Variants in PLPPR2 observed in about 807,000 individuals in gnomAD.
The protein encoded by PLPPR2 is phospholipid phosphatase related 2.
PLPPR2 carries 11 observed loss-of-function variants against 40.3 expected under a neutral mutation model. The observed-to-expected ratio is 0.27, with a 90% CI of 0.17 to 0.45. The LOEUF is 0.45. Among genes scored for constraint, PLPPR2 ranks in the 20% least tolerant of loss-of-function variants. The pLI, the probability that PLPPR2 is intolerant of heterozygous loss-of-function variation, is 1.00. For synonymous variants in PLPPR2, 260 were observed against 290.8 expected, an observed-to-expected ratio of 0.89 and a Z score of 1.08; for missense variants, 497 against 640.7, an observed-to-expected ratio of 0.78 and a Z score of 2.42.
intron 3 of PLPPR2, among the ~76,000 whole-genome samples, chr19:11,358,505 C>A (rs536320306): frequency 1.6e-4 from 25 of 152,222 alleles, no homozygotes; most frequent in Admixed American, 4.6e-4. Context: ...TCCACCTCCC[C>A]CTGTCTGTCT....
chr19:11,361,165 G>C lies in PLPPR2; in HGVS notation c.392-52G>C, dbSNP rs540988172. 640 of 1,545,854 alleles carry C rather than the reference G, an allele frequency of 4.1e-4. 8 individuals are homozygous for C. The South Asian group carries it at 7.3e-3, about 18-fold the overall frequency. ...GGAGCTAAGAGGCCCAATGGAATCA[G>C]TGGGAGCATCAGGGCCTGGCGCATG... On this transcript the variant is annotated intron_variant, in intron 5 of 9. Coordinates refer to ENST00000688289, the MANE Select transcript of PLPPR2 (RefSeq NM_001393892.1). The surrounding 1 kb of genome is among the most constrained non-coding windows in gnomAD (Gnocchi z 6.3).
chr19:11,361,617 C>G lies in PLPPR2; in HGVS notation c.663+129C>G. ...GGTGCTGTTGGAAGCTCTCGCTCCA[C>G]GCCCCGACCTGTTGGAAGCTCTCCC... On this transcript the variant is annotated intron_variant, in intron 6 of 9. Coordinates refer to ENST00000688289, the MANE Select transcript of PLPPR2 (RefSeq NM_001393892.1). The surrounding 1 kb of genome is among the most constrained non-coding windows in gnomAD (Gnocchi z 6.3). The G allele has an allele frequency of 7.8e-7, 1 of 1,283,256 alleles. No individual in the cohort carries two copies. The highest frequency in any genetic ancestry group is 1.0e-6 in the Non-Finnish European group (1 of 954,528). 79.5% of individuals were successfully genotyped at this position (1,283,256 alleles called of 1,614,324 possible). A position where few individuals can be genotyped will look rare whatever the true frequency, so the allele number is the denominator to read the frequency against.
rs1414297720 is a variant in PLPPR2 at position 11,362,323 on chromosome 19, C to G, written c.664-190C>G. On this transcript the variant is annotated intron_variant, in intron 6 of 9. Coordinates refer to ENST00000688289, the MANE Select transcript of PLPPR2 (RefSeq NM_001393892.1). The surrounding 1 kb of genome is among the most constrained non-coding windows in gnomAD (Gnocchi z 5.3). ...ACTCCAAGACCTCAATCCCTGACCCCCCCCCCTTTGCCTTTTTGGTCACGC... is the reference window on the plus strand; with the variant it reads ...ACTCCAAGACCTCAATCCCTGACCCGCCCCCCTTTGCCTTTTTGGTCACGC... 6 of 570,762 alleles carry G rather than the reference C, an allele frequency of 1.1e-5. No individual in the cohort carries two copies. The highest frequency in any genetic ancestry group is 3.0e-5 in the East Asian group (1 of 33,578). 35.4% of individuals were successfully genotyped at this position (570,762 alleles called of 1,614,324 possible). A position where few individuals can be genotyped will look rare whatever the true frequency, so the allele number is the denominator to read the frequency against.
In PLPPR2 at chr19:11,361,801, G is replaced by A. The variant is rs1968054278; in HGVS notation, c.663+313G>A. Among the ~76,000 whole-genome samples, 1 of 152,024 alleles carries A rather than the reference G, an allele frequency of 6.6e-6. No individual in the cohort carries two copies. Among genetic ancestry groups the A allele is most frequent in the South Asian group, 2.1e-4 (1 of 4,826 alleles). On this transcript the variant is annotated intron_variant, in intron 6 of 9. Transcript: ENST00000688289. The surrounding 1 kb of genome is among the most constrained non-coding windows in gnomAD (Gnocchi z 6.3). Reference sequence around the variant, plus strand: ...GACAGTCCCTGATGTGCAAGACTCGGAACCCCTATAGCCTAGCCAGGCCCC... The same window carrying A: ...GACAGTCCCTGATGTGCAAGACTCGAAACCCCTATAGCCTAGCCAGGCCCC...
rs990918432 is a variant in PLPPR2, at chr19:11,359,635, C to T, written c.170C>T (p.Ala57Val). ...QGFFCYDSTY[A>V]KPYPGPEAAS... Reference sequence around the variant, plus strand: ...TTCTTCTGCTATGACAGTACCTACGCCAAGCCCTACCCAGGGCCTGAGGCT... The same window carrying T: ...TTCTTCTGCTATGACAGTACCTACGTCAAGCCCTACCCAGGGCCTGAGGCT... Residue 57 changes from alanine (A) to valine (V), a missense_variant, in exon 4 of 10, where the codon GCC (alanine) becomes GTC (valine). Ala to Val is a moderately conservative substitution (Grantham distance 64). Coordinates refer to ENST00000688289, the MANE Select transcript of PLPPR2 (RefSeq NM_001393892.1). This position sits in a 1 kb window ranked among gnomAD's most constrained non-coding sequence, Gnocchi z 5.6. 1 of 1,613,202 alleles carries T rather than the reference C, an allele frequency of 6.2e-7. No individual in the cohort carries two copies. Among genetic ancestry groups the T allele is most frequent in the Non-Finnish European group, 8.5e-7 (1 of 1,179,550 alleles).
Position 11,363,280 on chromosome 19 carries a change from CAAAAAAAA to C in PLPPR2, c.841-420_841-413del, listed in dbSNP as rs571914211. On this transcript the variant is annotated intron_variant, in intron 7 of 9. Coordinates refer to ENST00000688289, the MANE Select transcript of PLPPR2 (RefSeq NM_001393892.1). The surrounding 1 kb of genome is among the most constrained non-coding windows in gnomAD (Gnocchi z 4.8). ...TGGGTGAAAGAGCGAAAGTCTGTCT[CAAAAAAAA>C]AAAAAAAAAAAATTAGCTGGGAATG... 5.4e-5 allele frequency among the ~76,000 whole-genome samples: 4 copies of C among 74,090 alleles called. No individual in the cohort carries two copies. In the Admixed American group the frequency reaches 6.4e-4, roughly 12 times the overall value. 48.6% of individuals were successfully genotyped at this position (74,090 alleles called of 152,430 possible). A position where few individuals can be genotyped will look rare whatever the true frequency, so the allele number is the denominator to read the frequency against.
Position 11,365,572 on chromosome 19 carries a change from G to A in PLPPR2, c.*882G>A, listed in dbSNP as rs1317535549. On this transcript the variant is annotated 3_prime_UTR_variant, in exon 10 of 10. Transcript: ENST00000688289. ...CATGGGGGGCATGGGTGGAGCAGAG[G>A]GGCTCCCTCACCCCGGGCAGGCAAA... The A allele has an allele frequency of 6.5e-6, 1 of 152,676 alleles. No individual in the cohort carries two copies. Among genetic ancestry groups the A allele is most frequent in the African/African-American group, 2.4e-5 (1 of 41,448 alleles). The allele number at this position is 152,676 out of a possible 1,614,324, so 9.5% of individuals were successfully genotyped here.
chr19:11,356,603 G>A (rs927458716), intron 1 of PLPPR2, among the ~76,000 whole-genome samples, 199 bp from the exon 2 acceptor site: 8 of 152,060 alleles, frequency 5.3e-5, no homozygotes, highest in African/African-American at 1.9e-4. Context: ...GCCCAGCACA[G>A]CGCCTGGAAG....
rs997252436 is a variant in PLPPR2, at chr19:11,362,776, G to A, written c.840+87G>A. ...GCAGGACCACATGATGGAGAAGGGT[G>A]TGGACTCTGTGTGACCTTGGGCCAA... On this transcript the variant is annotated intron_variant, in intron 7 of 9. Coordinates refer to ENST00000688289, the MANE Select transcript of PLPPR2 (RefSeq NM_001393892.1). The surrounding 1 kb of genome is among the most constrained non-coding windows in gnomAD (Gnocchi z 5.3). The A allele has an allele frequency of 9.8e-6, 14 of 1,431,832 alleles. No individual in the cohort carries two copies. The highest frequency in any genetic ancestry group is 1.3e-5 in the Non-Finnish European group (14 of 1,056,420). The allele number at this position is 1,431,832 out of a possible 1,614,324, so 88.7% of individuals were successfully genotyped here. A position where few individuals can be genotyped will look rare whatever the true frequency, so the allele number is the denominator to read the frequency against.
In PLPPR2 at chr19:11,362,796, G is replaced by A. The variant is rs372708219; in HGVS notation, c.840+107G>A. 3.2e-6 allele frequency: 4 copies of A among 1,250,932 alleles called. No individual in the cohort carries two copies. The highest frequency in any genetic ancestry group is 2.2e-4 in the Middle Eastern group (1 of 4,628). 77.5% of individuals were successfully genotyped at this position (1,250,932 alleles called of 1,614,324 possible). A position where few individuals can be genotyped will look rare whatever the true frequency, so the allele number is the denominator to read the frequency against. On this transcript the variant is annotated intron_variant, in intron 7 of 9. Transcript: ENST00000688289. This position sits in a 1 kb window ranked among gnomAD's most constrained non-coding sequence, Gnocchi z 5.3. ...AGGGTGTGGACTCTGTGTGACCTTGGGCCAATCCCTTAACATTACCCTTCC... is the reference window on the plus strand; with the variant it reads ...AGGGTGTGGACTCTGTGTGACCTTGAGCCAATCCCTTAACATTACCCTTCC...
chr19:11,359,691 G>C lies in PLPPR2; in HGVS notation c.226G>C (p.Ala76Pro), dbSNP rs142818555. The stretch of plus-strand genomic sequence containing the variant: ...CCGAGTGCCTCCTGCTCTTGTCTAC[G>C]CACTGGTCACTGCCGGGCCCACCCT... ...ASRVPPALVY[A>P]LVTAGPTLTI... Residue 76 changes from alanine (A) to proline (P), a missense_variant, in exon 4 of 10, where the codon GCA becomes CCA. Coordinates refer to ENST00000688289, the MANE Select transcript of PLPPR2 (RefSeq NM_001393892.1). The surrounding 1 kb of genome is among the most constrained non-coding windows in gnomAD (Gnocchi z 5.6). 1,582 of 1,605,438 alleles carry C rather than the reference G, an allele frequency of 9.9e-4. 4 individuals carry two copies. Among genetic ancestry groups the C allele is most frequent in the Non-Finnish European group, 1.1e-3 (1,246 of 1,174,922 alleles).
Position 11,361,563 on chromosome 19 carries a change from G to C in PLPPR2, c.663+75G>C, listed in dbSNP as rs550252189. 146 of 1,525,916 alleles carry C rather than the reference G, an allele frequency of 9.6e-5. 1 individual carries two copies. The East Asian group carries it at 3.1e-3, about 32-fold the overall frequency. The allele number at this position is 1,525,916 out of a possible 1,614,324, so 94.5% of individuals were successfully genotyped here. A position where few individuals can be genotyped will look rare whatever the true frequency, so the allele number is the denominator to read the frequency against. ...CGACCAGCAGCTAGGAAGCCGCCAG[G>C]GTTGGAGCCTCTGCTCTTCCACGCC... On this transcript the variant is annotated intron_variant, in intron 6 of 9. Transcript: ENST00000688289. The surrounding 1 kb of genome is among the most constrained non-coding windows in gnomAD (Gnocchi z 6.3).
At position 11,364,801 on chromosome 19, in the gene PLPPR2, C is replaced by G; in HGVS notation, c.*111C>G. ...TCCCCTGCCCCCCAAGCCAGCCAGA[C>G]CCAGACATTAGAAGATGGCTAGAAG... On this transcript the variant is annotated 3_prime_UTR_variant, in exon 10 of 10. Coordinates refer to ENST00000688289, the MANE Select transcript of PLPPR2 (RefSeq NM_001393892.1). The surrounding 1 kb of genome is among the most constrained non-coding windows in gnomAD (Gnocchi z 5.8). 8.1e-7 allele frequency: 1 copy of G among 1,240,250 alleles called. No homozygotes were observed. Among genetic ancestry groups the G allele is most frequent in the South Asian group, 1.4e-5 (1 of 71,470 alleles). 76.8% of individuals were successfully genotyped at this position (1,240,250 alleles called of 1,614,324 possible).
chr19:11,362,632 C>T lies in PLPPR2; in HGVS notation c.783C>T (p.Asn261=). 1 of 1,613,972 alleles carries T rather than the reference C, an allele frequency of 6.2e-7. No individual in the cohort carries two copies. Among genetic ancestry groups the T allele is most frequent in the Non-Finnish European group, 8.5e-7 (1 of 1,180,026 alleles). Residue 261 remains asparagine, a synonymous_variant, in exon 7 of 10, where the codon AAC becomes AAT. Transcript: ENST00000688289. This position sits in a 1 kb window ranked among gnomAD's most constrained non-coding sequence, Gnocchi z 5.3. Reference sequence around the variant, plus strand: ...TGGTCCGCGTGGCCGAGTACCGAAACCACTGGTCGGACGTGCTGGCTGGCT... The same window carrying T: ...TGGTCCGCGTGGCCGAGTACCGAAATCACTGGTCGGACGTGCTGGCTGGCT... The part of the protein sequence containing the change: ...VGVVRVAEYR[N]HWSDVLAGFL...
In PLPPR2 at chr19:11,364,285, C is replaced by T. The variant is rs1968132302; in HGVS notation, c.1016-62C>T. ...GCAGCCACTGCCCCAGAGGTCTCACCTAGGCCTTTATGCTGCCTCCCGAGT... is the reference window on the plus strand; with the variant it reads ...GCAGCCACTGCCCCAGAGGTCTCACTTAGGCCTTTATGCTGCCTCCCGAGT... On this transcript the variant is annotated intron_variant, in intron 9 of 9. Transcript: ENST00000688289. The surrounding 1 kb of genome is among the most constrained non-coding windows in gnomAD (Gnocchi z 5.8). 1.9e-6 allele frequency: 3 copies of T among 1,548,054 alleles called. No individual in the cohort carries two copies. Among genetic ancestry groups the T allele is most frequent in the Non-Finnish European group, 2.6e-6 (3 of 1,147,120 alleles).
chr19:11,364,270 C>T lies in PLPPR2; in HGVS notation c.1015+58C>T. 1.9e-6 allele frequency: 3 copies of T among 1,576,188 alleles called. No homozygotes were observed. Among genetic ancestry groups the T allele is most frequent in the Non-Finnish European group, 1.7e-6 (2 of 1,159,496 alleles). On this transcript the variant is annotated intron_variant, in intron 9 of 9. Coordinates refer to ENST00000688289, the MANE Select transcript of PLPPR2 (RefSeq NM_001393892.1). The surrounding 1 kb of genome is among the most constrained non-coding windows in gnomAD (Gnocchi z 5.8). ...GGGACTTCCAGGTGGGCAGCCACTG[C>T]CCCAGAGGTCTCACCTAGGCCTTTA...
rs1968072967 is a variant in PLPPR2 at position 11,362,397 on chromosome 19, TG to T, written c.664-114del. 3 of 1,221,192 alleles carry T rather than the reference TG, an allele frequency of 2.5e-6. No individual in the cohort carries two copies. Among genetic ancestry groups the T allele is most frequent in the Non-Finnish European group, 3.4e-6 (3 of 881,102 alleles). 75.6% of individuals were successfully genotyped at this position (1,221,192 alleles called of 1,614,324 possible). The stretch of plus-strand genomic sequence containing the variant: ...CCCATGACTCCAACCCTGGAGCCCC[TG>T]GCCACTCCCTCCAGCCCCAACGCTC... On this transcript the variant is annotated intron_variant, in intron 6 of 9. Coordinates refer to ENST00000688289, the MANE Select transcript of PLPPR2 (RefSeq NM_001393892.1). The surrounding 1 kb of genome is among the most constrained non-coding windows in gnomAD (Gnocchi z 5.3).
In PLPPR2 at chr19:11,362,595, T is replaced by C. The variant is rs143646928; in HGVS notation, c.746T>C (p.Phe249Ser). 3.7e-6 allele frequency: 6 copies of C among 1,613,456 alleles called. No homozygotes were observed. The African/African-American group carries it at 8.0e-5, about 22-fold the overall frequency. The change falls in exon 7 of 10, where the codon TTC becomes TCC. Residue 249 changes from phenylalanine to serine, a missense_variant. Coordinates refer to ENST00000688289, the MANE Select transcript of PLPPR2 (RefSeq NM_001393892.1). The surrounding 1 kb of genome is among the most constrained non-coding windows in gnomAD (Gnocchi z 5.3). ...SLCLALLCPAFLVGVVRVAEY... is the reference protein window; with the variant it reads ...SLCLALLCPASLVGVVRVAEY... ...TGCCTGGCCTTGCTGTGCCCGGCCTTCCTGGTGGGCGTGGTCCGCGTGGCC... is the reference window on the plus strand; with the variant it reads ...TGCCTGGCCTTGCTGTGCCCGGCCTCCCTGGTGGGCGTGGTCCGCGTGGCC...
chr19:11,358,336 G>A (rs1353483695), intron 3 of PLPPR2, among the ~76,000 whole-genome samples: 2 of 151,686 alleles, frequency 1.3e-5, no homozygotes, highest in Non-Finnish European at 2.9e-5. Flanking sequence ...GATTACAGGC[G>A]TGAGCCACCA....
Sources: allele counts gnomAD v4.1 joint callset (sites outside exome capture counted in the v4.1 genomes callset), GRCh38; gene constraint gnomAD v4.1.1; non-coding constraint Gnocchi (gnomAD v3.1); transcripts MANE v1.5; gene names NCBI Gene and HGNC (gene_info 2026-07-23, HGNC 2026-07-21).